The following KCND2 variants were observed in gnomAD, a reference collection of about 807,000 sequenced individuals.
KCND2 encodes the protein A-type voltage-gated potassium channel KCND2.
A neutral mutation model predicts 54.4 loss-of-function variants in KCND2; 16 were observed. The observed-to-expected ratio is 0.29, with a 90% CI of 0.20 to 0.45. The LOEUF (loss-of-function observed/expected upper bound fraction) is 0.45. KCND2 is among the 20% of genes least tolerant of loss of function. The pLI, the probability that KCND2 is intolerant of heterozygous loss-of-function variation, is 1.00. For missense variants in KCND2, 486 were observed against 824.2 expected (o/e 0.59, Z 5.02); for synonymous variants, 317 against 310.7 (o/e 1.02, Z -0.21).
chr7:120,704,499 T>G (rs1164031754), intron 1 of KCND2, among the ~76,000 whole-genome samples: 3 of 152,170 alleles, frequency 2.0e-5, no homozygotes, highest in African/African-American at 7.2e-5. Flanking sequence ...GTGGGAAAAT[T>G]CACAGCTCCT....
chr7:120,566,658 G>T (rs1792302009), intron 1 of KCND2, among the ~76,000 whole-genome samples: 1 of 152,018 alleles, frequency 6.6e-6, no homozygotes, highest in African/African-American at 2.4e-5. Flanking sequence ...TCTTTAGCAA[G>T]AATTCCCATT....
chr7:120,457,872 A>G (rs1802222659), intron 1 of KCND2, among the ~76,000 whole-genome samples: 1 of 152,202 alleles, frequency 6.6e-6, no homozygotes, highest in South Asian at 2.1e-4. Flanking sequence ...TAACAAAGAC[A>G]TGACCAAGAC....
intron 1 of KCND2, among the ~76,000 whole-genome samples, chr7:120,506,998 T>G (rs1177357583): frequency 2.6e-5 from 4 of 151,894 alleles, no homozygotes; most frequent in Admixed American, 6.6e-5. Flanking sequence ...GGTACACCTG[T>G]GCATTTACAT....
chr7:120,523,735 T>A (rs996193793), intron 1 of KCND2, among the ~76,000 whole-genome samples: 1 of 147,456 alleles, frequency 6.8e-6, no homozygotes, highest in East Asian at 2.0e-4. Flanking sequence ...TGTGTGTGTG[T>A]GTGTGTGTGT....
At chr7:120,495,802 G>GTC (rs1472091479) in intron 1 of KCND2, among the ~76,000 whole-genome samples, 1 of 152,058 alleles carries the variant, frequency 6.6e-6, no homozygotes, top group Non-Finnish European at 1.5e-5. Flanking sequence ...CAAAAATGAG[G>GTC]TCTCACAAAT....
At chr7:120,655,930 A>G (rs1791796076) in intron 1 of KCND2, among the ~76,000 whole-genome samples, 1 of 152,176 alleles carries the variant, frequency 6.6e-6, no homozygotes, top group Non-Finnish European at 1.5e-5. Context: ...TCAAAATTAA[A>G]GAAGAAAAGC....
At chr7:120,653,864 A>G (rs973109994) in intron 1 of KCND2, among the ~76,000 whole-genome samples, 5 of 152,224 alleles carry the variant, frequency 3.3e-5, no homozygotes, top group African/African-American at 1.2e-4. Flanking sequence ...TACAATGTAG[A>G]CAGAGCATTA....
chr7:120,742,722 A>C, intron 4 of KCND2, 120 bp downstream of exon 4: 1 of 787,134 alleles, frequency 1.3e-6, no homozygotes, highest in South Asian at 1.4e-5. Context: ...ACATGCTAAA[A>C]AACAAACAAA....
At chr7:120,741,508 T>G in intron 2 of KCND2, 26 bp from the exon 3 acceptor site, 1 of 1,461,552 alleles carries the variant, frequency 6.8e-7, no homozygotes, top group Non-Finnish European at 9.6e-7. Context: ...TAAATGTTAA[T>G]GGGATGTTTA....
At chr7:120,635,906 C>A (rs1053627057) in intron 1 of KCND2, among the ~76,000 whole-genome samples, 1 of 152,040 alleles carries the variant, frequency 6.6e-6, no homozygotes, top group African/African-American at 2.4e-5. Flanking sequence ...ACATTTAAAA[C>A]AATGGAATAG....
At chr7:120,437,147 T>G (rs1801878851) in intron 1 of KCND2, among the ~76,000 whole-genome samples, 1 of 152,072 alleles carries the variant, frequency 6.6e-6, no homozygotes, top group Non-Finnish European at 1.5e-5. Flanking sequence ...TAATAGGTAA[T>G]TTTATTTCTG....
chr7:120,447,410 C>G (rs1029841953), intron 1 of KCND2, among the ~76,000 whole-genome samples: 1 of 151,320 alleles, frequency 6.6e-6, no homozygotes, highest in Non-Finnish European at 1.5e-5. Context: ...TAAAGAAGCT[C>G]AGTTTTCCCC....
intron 3 of KCND2, chr7:120,742,292 T>C (rs1317581088): frequency 1.5e-5 from 8 of 531,152 alleles, no homozygotes; most frequent in Non-Finnish European, 2.7e-5. Context: ...AAATTTCAAT[T>C]CAAGGAGGCA....
At chr7:120,381,876 GA>G (rs1800921244) in intron 1 of KCND2, among the ~76,000 whole-genome samples, 1 of 151,840 alleles carries the variant, frequency 6.6e-6, no homozygotes, top group African/African-American at 2.4e-5. Flanking sequence ...ATGAAAAGGA[GA>G]AAACAAGTAA....
chr7:120,551,953 T>C (rs1159903898), intron 1 of KCND2, among the ~76,000 whole-genome samples: 1 of 152,178 alleles, frequency 6.6e-6, no homozygotes, highest in Non-Finnish European at 1.5e-5. Context: ...CTAGTGCTTG[T>C]TGTTGCAATG....
At chr7:120,596,642 T>G (rs1278140092) in intron 1 of KCND2, among the ~76,000 whole-genome samples, 1 of 152,200 alleles carries the variant, frequency 6.6e-6, no homozygotes, top group East Asian at 1.9e-4. Flanking sequence ...TGGATCAGCA[T>G]TGAGAAGAAT....
At chr7:120,287,976 C>CA (rs752466191) in intron 1 of KCND2, among the ~76,000 whole-genome samples, 1 of 152,074 alleles carries the variant, frequency 6.6e-6, no homozygotes, top group Non-Finnish European at 1.5e-5. Context: ...TTGCAAAAGC[C>CA]ATATCTTATC....
At chr7:120,592,569 T>A (rs1258363912) in intron 1 of KCND2, among the ~76,000 whole-genome samples, 1 of 152,152 alleles carries the variant, frequency 6.6e-6, no homozygotes, top group Non-Finnish European at 1.5e-5. Context: ...GAATGCTCTA[T>A]CAGTCTATCA....
intron 1 of KCND2, among the ~76,000 whole-genome samples, chr7:120,360,620 G>A (rs1319866974): frequency 6.6e-6 from 1 of 151,994 alleles, no homozygotes; most frequent in Non-Finnish European, 1.5e-5. Context: ...TTTTAATTAA[G>A]CATCTGATTT....
Sources: allele counts gnomAD v4.1 joint callset (sites outside exome capture counted in the v4.1 genomes callset), GRCh38; gene constraint gnomAD v4.1.1; transcripts MANE v1.5; gene names NCBI Gene and HGNC (gene_info 2026-07-23, HGNC 2026-07-21).